The following DENND1B variants were observed in gnomAD, a reference collection of about 807,000 sequenced individuals.
DENND1B encodes DENN domain-containing protein 1B.
Under a neutral mutation model 90.1 loss-of-function variants are expected in DENND1B, and 59 were observed. The observed-to-expected ratio is 0.65, with a 90% CI of 0.53 to 0.81. The LOEUF (loss-of-function observed/expected upper bound fraction) is 0.81, where lower values mean the gene tolerates loss of function less well. DENND1B is among the 40% of genes least tolerant of loss of function. The pLI is 0.00. For synonymous variants in DENND1B, 337 were observed against 324.6 expected (o/e 1.04, Z -0.41); for missense variants, 862 against 912.6 (o/e 0.94, Z 0.71).
intron 10 of DENND1B, among the ~76,000 whole-genome samples, chr1:197,634,219 T>G (rs889639984): frequency 1.3e-5 from 2 of 152,176 alleles, no homozygotes; most frequent in Admixed American, 6.5e-5. Flanking sequence ...TTTCCTTCAC[T>G]TACTAGTAGC....
At chr1:197,540,152 C>A in intron 19 of DENND1B, 81 bp from the exon 20 acceptor site, 1 of 914,176 alleles carries the variant, frequency 1.1e-6, no homozygotes, top group Non-Finnish European at 1.6e-6. Flanking sequence ...AACAAAGTAT[C>A]TGATATACAT....
intron 2 of DENND1B, among the ~76,000 whole-genome samples, chr1:197,744,730 T>G (rs1236087318): frequency 6.6e-6 from 1 of 152,212 alleles, no homozygotes; most frequent in African/African-American, 2.4e-5. Context: ...AGCCTGTACT[T>G]TGAAACTCAG....
chr1:197,732,980 G>T (rs1662287568), intron 2 of DENND1B, among the ~76,000 whole-genome samples: 1 of 152,134 alleles, frequency 6.6e-6, no homozygotes, highest in Non-Finnish European at 1.5e-5. Flanking sequence ...AAATTGGAAA[G>T]AGTCTTAATT....
intron 3 of DENND1B, among the ~76,000 whole-genome samples, chr1:197,684,750 T>C (rs772560372): frequency 2.6e-5 from 4 of 152,162 alleles, no homozygotes; most frequent in Admixed American, 6.5e-5. Flanking sequence ...TTTCAAGTAA[T>C]AGACTTATAA....
intron 5 of DENND1B, among the ~76,000 whole-genome samples, chr1:197,659,483 A>G (rs1237257992): frequency 6.6e-6 from 1 of 152,000 alleles, no homozygotes; most frequent in Non-Finnish European, 1.5e-5. Context: ...AACTGATATG[A>G]TACTTTAAAA....
At chr1:197,590,804 T>G (rs1365629740) in intron 14 of DENND1B, among the ~76,000 whole-genome samples, 1 of 152,316 alleles carries the variant, frequency 6.6e-6, no homozygotes, top group East Asian at 1.9e-4. Flanking sequence ...GATTTGAGCC[T>G]TCAGGATATT....
chr1:197,642,276 C>A (rs975982807), intron 10 of DENND1B, among the ~76,000 whole-genome samples: 2 of 152,030 alleles, frequency 1.3e-5, no homozygotes, highest in African/African-American at 4.8e-5. Flanking sequence ...CAATCTACTC[C>A]CAAACCACTA....
intron 2 of DENND1B, among the ~76,000 whole-genome samples, chr1:197,762,270 AT>A (rs77728169): frequency 2.6e-3 from 382 of 144,880 alleles, no homozygotes; most frequent in Middle Eastern, 3.6e-3. Context: ...ATTAGTCAGC[AT>A]TTTTTTTTTT....
intron 1 of DENND1B, 51 bp from the exon 2 acceptor site, chr1:197,772,983 T>C (rs1341391815): frequency 1.0e-5 from 14 of 1,405,564 alleles, no homozygotes; most frequent in African/African-American, 1.4e-5. Flanking sequence ...AACATCTCCA[T>C]GAAACTTGTA....
chr1:197,538,656 ATTTTTTTTTTTT>A (rs67761711), intron 20 of DENND1B, among the ~76,000 whole-genome samples: 4 of 105,870 alleles, frequency 3.8e-5, no homozygotes, highest in African/African-American at 1.1e-4. Flanking sequence ...AATTAATGGG[ATTTTTTTTTTTT>A]TTTTTTTTTT....
intron 11 of DENND1B, 126 bp downstream of exon 11, chr1:197,617,533 A>G (rs894653522): frequency 1.5e-6 from 1 of 658,716 alleles, no homozygotes; most frequent in Non-Finnish European, 2.7e-6. Context: ...CATCTTTACT[A>G]TTTATTAAAA....
At chr1:197,746,750 T>A in intron 2 of DENND1B, 1 of 1,239,526 alleles carries the variant, frequency 8.1e-7, no homozygotes, top group South Asian at 1.2e-5. Flanking sequence ...TCTGGCAAGT[T>A]ATGCATATCC....
intron 10 of DENND1B, among the ~76,000 whole-genome samples, chr1:197,631,758 TTTATC>T (rs1679346859): frequency 1.3e-5 from 2 of 151,854 alleles, no homozygotes; most frequent in Non-Finnish European, 2.9e-5. Context: ...ATATATAACC[TTTATC>T]TTATGTCTGT....
chr1:197,575,150 G>A (rs1405977112), intron 15 of DENND1B, among the ~76,000 whole-genome samples: 1 of 151,908 alleles, frequency 6.6e-6, no homozygotes, highest in Non-Finnish European at 1.5e-5. Context: ...GAGTGAACAG[G>A]CAACCTACAG....
At chr1:197,721,892 A>G (rs1430083735) in intron 2 of DENND1B, among the ~76,000 whole-genome samples, 1 of 152,178 alleles carries the variant, frequency 6.6e-6, no homozygotes, top group Non-Finnish European at 1.5e-5. Context: ...GTTTTGTGAC[A>G]CTGGAACCAC....
intron 15 of DENND1B, among the ~76,000 whole-genome samples, chr1:197,565,113 A>G (rs1272955566): frequency 6.6e-6 from 1 of 152,042 alleles, no homozygotes; most frequent in African/African-American, 2.4e-5. Context: ...TTCATTTACT[A>G]GTAATACAAG....
At chr1:197,595,768 C>T (rs1647834480) in intron 13 of DENND1B, among the ~76,000 whole-genome samples, 1 of 151,954 alleles carries the variant, frequency 6.6e-6, no homozygotes, top group African/African-American at 2.4e-5. Flanking sequence ...TTTTGGAAGT[C>T]TCATTTGCAT....
At chr1:197,683,991 C>T (rs953704676) in intron 3 of DENND1B, among the ~76,000 whole-genome samples, 2 of 152,116 alleles carry the variant, frequency 1.3e-5, no homozygotes, top group Non-Finnish European at 2.9e-5. Context: ...GCCCTAGGGC[C>T]TAATCAGTGC....
At chr1:197,722,144 G>C (rs571279011) in intron 2 of DENND1B, among the ~76,000 whole-genome samples, 82 of 152,174 alleles carry the variant, frequency 5.4e-4, no homozygotes, top group African/African-American at 1.8e-3. Flanking sequence ...ATGGACAACA[G>C]AAAGACTATC....
Sources: allele counts gnomAD v4.1 joint callset (sites outside exome capture counted in the v4.1 genomes callset), GRCh38; gene constraint gnomAD v4.1.1; transcripts MANE v1.5; gene names NCBI Gene and HGNC (gene_info 2026-07-23, HGNC 2026-07-21).